The following ATPAF2 variants were observed in gnomAD, a reference collection of about 807,000 sequenced individuals.
The protein encoded by ATPAF2 is ATP12 homolog.
A neutral mutation model predicts 36.6 loss-of-function variants in ATPAF2; 30 were observed. The ratio of observed to expected loss-of-function variants is 0.82; its 90% confidence interval spans 0.61 to 1.11. ATPAF2 has a LOEUF of 1.11. ATPAF2 is among the 50% of genes most tolerant of loss of function. The pLI is 0.00. For synonymous variants in ATPAF2, 140 were observed against 152.6 expected (o/e 0.92, Z 0.61); for missense variants, 321 against 372.3 (o/e 0.86, Z 1.13).
intron 7 of ATPAF2, among the ~76,000 whole-genome samples, chr17:18,020,160 C>T (rs1296217209): frequency 1.3e-5 from 2 of 152,020 alleles, no homozygotes; most frequent in African/African-American, 2.4e-5. Context: ...TAGCAATTAA[C>T]CTTCTGAGGT....
At chr17:18,026,682 A>T (rs961805744) in intron 3 of ATPAF2, 2 of 559,326 alleles carry the variant, frequency 3.6e-6, no homozygotes, top group African/African-American at 3.8e-5. Flanking sequence ...CCATGGTCAC[A>T]TGCCTTTTAT....
intron 1 of ATPAF2, among the ~76,000 whole-genome samples, chr17:18,036,316 C>A (rs1012200801): frequency 6.6e-6 from 1 of 152,146 alleles, no homozygotes. Flanking sequence ...TGGCTCATGC[C>A]TGTAATCCCA....
intron 1 of ATPAF2, among the ~76,000 whole-genome samples, chr17:18,030,838 T>C (rs1372069908): frequency 7.0e-6 from 1 of 143,272 alleles, no homozygotes; most frequent in African/African-American, 2.6e-5. Context: ...GGCTTTTTTT[T>C]TTTTTTTTTT....
At chr17:18,019,211 C>T (rs1017639216) in intron 7 of ATPAF2, among the ~76,000 whole-genome samples, 9 of 150,778 alleles carry the variant, frequency 6.0e-5, no homozygotes, top group East Asian at 2.0e-4. Context: ...CCCAGGGAGC[C>T]GGAGCAGGCA....
At chr17:18,028,806 G>A (rs931655010) in intron 1 of ATPAF2, 147 bp from the exon 2 acceptor site, 6 of 782,600 alleles carry the variant, frequency 7.7e-6, no homozygotes, top group African/African-American at 5.1e-5. Flanking sequence ...TACTCAACAC[G>A]GTATAATCAA....
At chr17:18,025,792 G>C (rs113483642) in intron 4 of ATPAF2, among the ~76,000 whole-genome samples, 1 of 152,164 alleles carries the variant, frequency 6.6e-6, no homozygotes, top group Non-Finnish European at 1.5e-5. Flanking sequence ...CTGTGTCATC[G>C]TGAGATGACT....
At chr17:18,020,460 A>G (rs2044453435) in intron 7 of ATPAF2, among the ~76,000 whole-genome samples, 1 of 152,216 alleles carries the variant, frequency 6.6e-6, no homozygotes, top group Admixed American at 6.5e-5. Context: ...GTGCAGAGTG[A>G]GGCCTGACGG....
chr17:18,016,181 C>T (rs762367302), downstream of ATPAF2: 15 of 1,613,870 alleles, frequency 9.3e-6, no homozygotes, highest in East Asian at 4.5e-5. Flanking sequence ...TTGGTGTACA[C>T]GTTTAATAGA....
At chr17:18,023,452 T>C (rs959354694) in intron 5 of ATPAF2, among the ~76,000 whole-genome samples, 10 of 152,168 alleles carry the variant, frequency 6.6e-5, no homozygotes, top group African/African-American at 2.4e-4. Context: ...AAAAAATCCT[T>C]GCTGAAATTC....
intron 5 of ATPAF2, among the ~76,000 whole-genome samples, chr17:18,023,479 A>G (rs1436959394): frequency 6.6e-6 from 1 of 152,222 alleles, no homozygotes; most frequent in Non-Finnish European, 1.5e-5. Context: ...GTACAAATGG[A>G]CTGTAAGAAA....
downstream of ATPAF2, chr17:18,016,145 G>GC (rs2044354892): frequency 6.2e-7 from 1 of 1,613,922 alleles, no homozygotes; most frequent in Admixed American, 1.7e-5. Flanking sequence ...CAATCGAGAA[G>GC]ATGAGCTGGT....
At chr17:18,038,537 G>A (rs1014554042) in intron 1 of ATPAF2, among the ~76,000 whole-genome samples, 1 of 152,232 alleles carries the variant, frequency 6.6e-6, no homozygotes, top group African/African-American at 2.4e-5. Flanking sequence ...CTCTGAGAGA[G>A]TCTGCCTGTA....
chr17:18,030,046 C>T (rs2044604940), intron 1 of ATPAF2, among the ~76,000 whole-genome samples: 1 of 151,608 alleles, frequency 6.6e-6, no homozygotes, highest in South Asian at 2.1e-4. Context: ...TGAGGCCGGG[C>T]GCAGTGGCTC....
chr17:18,038,682 C>G (rs2044741603), intron 1 of ATPAF2, among the ~76,000 whole-genome samples, 199 bp downstream of exon 1: 1 of 152,244 alleles, frequency 6.6e-6, no homozygotes, highest in African/African-American at 2.4e-5. Flanking sequence ...ATTACTGTAT[C>G]GTGCGTGACT....
chr17:18,037,516 G>A (rs564410352), intron 1 of ATPAF2, among the ~76,000 whole-genome samples: 28 of 152,110 alleles, frequency 1.8e-4, no homozygotes, highest in African/African-American at 6.0e-4. Flanking sequence ...TCTGGGAGGC[G>A]GAGGTTGCAG....
intron 3 of ATPAF2, 67 bp downstream of exon 3, chr17:18,028,165 T>C: frequency 6.2e-7 from 1 of 1,606,172 alleles, no homozygotes; most frequent in South Asian, 1.1e-5. Flanking sequence ...CGGAATTTGG[T>C]AAAGGGTCTA....
chr17:18,031,129 C>T (rs1377891402), intron 1 of ATPAF2, among the ~76,000 whole-genome samples: 4 of 150,882 alleles, frequency 2.7e-5, no homozygotes, highest in East Asian at 3.9e-4. Context: ...CCTGCCACCA[C>T]GCCTGGCTAA....
In ATPAF2 at chr17:18,036,855, T is replaced by C. The variant is rs182303474; in HGVS notation, c.133+2026A>G. Among the ~76,000 whole-genome samples the C allele has an allele frequency of 2.4e-4, 36 of 151,564 alleles. No individual in the cohort carries two copies. The East Asian group carries it at 6.8e-3, about 28-fold the overall frequency. On this transcript the variant is annotated intron_variant, in intron 1 of 7. Coordinates refer to ENST00000474627, the MANE Select transcript of ATPAF2 (RefSeq NM_145691.4). The stretch of plus-strand genomic sequence containing the variant: ...GGGAGGCTGAGGCGGGAGGATCACC[T>C]GAGGTCAGGAGTTCATGACCAGTGT...
intron 7 of ATPAF2, 26 bp from the exon 8 acceptor site, chr17:18,018,712 T>G: frequency 6.2e-7 from 1 of 1,613,764 alleles, no homozygotes; most frequent in South Asian, 1.1e-5. Flanking sequence ...GACAAGTTGC[T>G]GGGTGAGTGG....
Sources: gnomAD v4.1 joint callset for allele counts (sites outside exome capture counted in the v4.1 genomes callset) on GRCh38, gnomAD v4.1.1 for gene constraint, MANE v1.5 for transcripts, NCBI Gene and HGNC (gene_info 2026-07-23, HGNC 2026-07-21) for gene names.